The following CACNB2 variants were observed in gnomAD, a reference collection of about 807,000 sequenced individuals.
CACNB2 encodes calcium voltage-gated channel auxiliary subunit beta 2, also known as voltage-dependent L-type calcium channel subunit beta-2.
Under a neutral mutation model 73.3 loss-of-function variants are expected in CACNB2, and 42 were observed. The ratio of observed to expected loss-of-function variants is 0.57; its 90% CI spans 0.45 to 0.74. The LOEUF (loss-of-function observed/expected upper bound fraction) is 0.74, where lower values mean the gene tolerates loss of function less well. Among genes scored for constraint, CACNB2 ranks in the 30% least tolerant of loss-of-function variants. CACNB2 has a pLI of 0.00. For synonymous variants in CACNB2, 348 were observed against 310.3 expected (o/e 1.12, Z -1.28); for missense variants, 940 against 853.0 (o/e 1.10, Z -1.27).
chr10:18,403,216 G>A (rs942590101), intron 3 of CACNB2, among the ~76,000 whole-genome samples: 1 of 152,158 alleles, frequency 6.6e-6, no homozygotes, highest in African/African-American at 2.4e-5. Flanking sequence ...TGTGATGGTG[G>A]AAACTGATAA....
intron 3 of CACNB2, among the ~76,000 whole-genome samples, chr10:18,437,584 G>T (rs1437959054): frequency 3.3e-5 from 5 of 152,126 alleles, no homozygotes; most frequent in Non-Finnish European, 7.4e-5. Flanking sequence ...GCATTTCACT[G>T]GCCAAAATTC....
chr10:18,533,972 A>G, intron 10 of CACNB2, 104 bp from the exon 11 acceptor site: 1 of 1,065,106 alleles, frequency 9.4e-7, no homozygotes, highest in East Asian at 2.4e-5. Flanking sequence ...TGTAAGCATT[A>G]ACATAATGGC....
intron 10 of CACNB2, among the ~76,000 whole-genome samples, chr10:18,528,870 C>T (rs1386977331): frequency 2.0e-5 from 3 of 152,296 alleles, no homozygotes; most frequent in African/African-American, 7.2e-5. Context: ...GAGAGGGTCG[C>T]ACTCTGTTAC....
At chr10:18,195,281 C>T (rs1292226229) in intron 2 of CACNB2, among the ~76,000 whole-genome samples, 4 of 152,302 alleles carry the variant, frequency 2.6e-5, no homozygotes, top group Admixed American at 2.0e-4. Context: ...CAGAGGAAGA[C>T]AGAATCAGTG....
At chr10:18,242,240 G>A (rs1010454858) in intron 2 of CACNB2, among the ~76,000 whole-genome samples, 1 of 151,724 alleles carries the variant, frequency 6.6e-6, no homozygotes, top group African/African-American at 2.4e-5. Context: ...AAACAATAGT[G>A]CAAAAATTAT....
At chr10:18,230,981 TA>T (rs923220582) in intron 2 of CACNB2, among the ~76,000 whole-genome samples, 16 of 152,062 alleles carry the variant, frequency 1.1e-4, no homozygotes, top group African/African-American at 3.6e-4. Context: ...TTGTGTCAGT[TA>T]GGGGAGGAGA....
Position 18,300,605 on chromosome 10 carries a change from A to T in CACNB2, c.214-101319A>T, listed in dbSNP as rs138707571. 2.7e-3 allele frequency among the ~76,000 whole-genome samples: 415 copies of T among 152,322 alleles called. 2 individuals carry two copies. The highest frequency in any genetic ancestry group is 9.4e-3 in the African/African-American group (392 of 41,576). ...ATGCCTTTTGGCAATTAACACCTTT[A>T]AAAAATGCAATCTGACGGGTGAATC... On this transcript the variant is annotated intron_variant, in intron 2 of 13. Coordinates refer to ENST00000324631, the MANE Select transcript of CACNB2 (RefSeq NM_201596.3).
chr10:18,498,222 A>G (rs1323528819), intron 3 of CACNB2, 133 bp from the exon 4 acceptor site: 9 of 1,064,676 alleles, frequency 8.5e-6, no homozygotes, highest in African/African-American at 4.7e-5. Flanking sequence ...CTGTTTTGTG[A>G]TAAAGAACCA....
chr10:18,461,183 G>A (rs575147938), intron 3 of CACNB2, among the ~76,000 whole-genome samples: 1 of 152,220 alleles, frequency 6.6e-6, no homozygotes, highest in South Asian at 2.1e-4. Flanking sequence ...CAAAGTGCTG[G>A]GAATACAGGC....
chr10:18,361,512 A>AT (rs1491317785), intron 2 of CACNB2, among the ~76,000 whole-genome samples: 1 of 150,142 alleles, frequency 6.7e-6, no homozygotes, highest in African/African-American at 2.4e-5. Context: ...AAAAAAAAAA[A>AT]GAAAGAAAGA....
chr10:18,210,762 G>A (rs16916984), intron 2 of CACNB2, among the ~76,000 whole-genome samples: 20,323 of 152,178 alleles, frequency 0.13, 2,821 homozygotes, highest in African/African-American at 0.35. Flanking sequence ...CTCTCAACCT[G>A]TCTCATCATT....
chr10:18,456,292 G>A (rs989485110), intron 3 of CACNB2, among the ~76,000 whole-genome samples: 6 of 151,634 alleles, frequency 4.0e-5, no homozygotes, highest in African/African-American at 7.3e-5. Context: ...CCAAAACCCC[G>A]CCTCTACTGA....
chr10:18,536,239 A>AGACC (rs754893021), intron 12 of CACNB2, 43 bp downstream of exon 12: 1 of 389,798 alleles, frequency 2.6e-6, no homozygotes, highest in Non-Finnish European at 4.2e-6. Context: ...TACAGAGATC[A>AGACC]GACCTTTTTT....
At chr10:18,495,144 C>G (rs2049713137) in intron 3 of CACNB2, among the ~76,000 whole-genome samples, 1 of 151,380 alleles carries the variant, frequency 6.6e-6, no homozygotes, top group South Asian at 2.1e-4. Flanking sequence ...TTTTTCAAAG[C>G]AGAATATTTT....
At chr10:18,264,147 C>G (rs2037681589) in intron 2 of CACNB2, among the ~76,000 whole-genome samples, 1 of 152,166 alleles carries the variant, frequency 6.6e-6, no homozygotes, top group Admixed American at 6.5e-5. Flanking sequence ...AGCAGAGACA[C>G]TAACTCTTTT....
At chr10:18,529,270 T>A in intron 10 of CACNB2, among the ~76,000 whole-genome samples, 1 of 152,350 alleles carries the variant, frequency 6.6e-6, no homozygotes, top group South Asian at 2.1e-4. Context: ...TGATTATACA[T>A]TGTTTTTAAA....
At chr10:18,233,677 G>A (rs2036311725) in intron 2 of CACNB2, among the ~76,000 whole-genome samples, 1 of 152,136 alleles carries the variant, frequency 6.6e-6, no homozygotes, top group Non-Finnish European at 1.5e-5. Flanking sequence ...GTGCTAGTAG[G>A]TAGGTATTGT....
At chr10:18,404,408 T>C (rs2044172452) in intron 3 of CACNB2, among the ~76,000 whole-genome samples, 1 of 152,342 alleles carries the variant, frequency 6.6e-6, no homozygotes, top group African/African-American at 2.4e-5. Flanking sequence ...CCTCATTCTT[T>C]GCCAGAATTT....
chr10:18,469,750 A>C (rs2048084314), intron 3 of CACNB2, among the ~76,000 whole-genome samples: 1 of 152,222 alleles, frequency 6.6e-6, no homozygotes, highest in Non-Finnish European at 1.5e-5. Flanking sequence ...TTGGTCCAGA[A>C]GTTACTATAA....
Sources: allele counts gnomAD v4.1 joint callset (sites outside exome capture counted in the v4.1 genomes callset), GRCh38; gene constraint gnomAD v4.1.1; transcripts MANE v1.5; gene names NCBI Gene and HGNC (gene_info 2026-07-23, HGNC 2026-07-21).